The following SHTN1 variants were observed in gnomAD, a reference collection of about 807,000 sequenced individuals.
The protein encoded by SHTN1 is shootin 1.
Under a neutral mutation model 83.1 loss-of-function variants are expected in SHTN1, and 42 were observed. The observed-to-expected ratio is 0.51, with a 90% CI of 0.39 to 0.65. The LOEUF is 0.65. Among genes scored for constraint, SHTN1 ranks in the 30% least tolerant of loss-of-function variants. The probability of loss-of-function intolerance (pLI) is 0.00; values close to 1 mark genes in which losing one functional copy is unlikely to be tolerated. For missense variants in SHTN1, 622 were observed against 737.8 expected, an observed-to-expected ratio of 0.84 and a Z score of 1.82; for synonymous variants, 224 against 247.7, an observed-to-expected ratio of 0.90 and a Z score of 0.90.
intron 2 of SHTN1, chr10:116,974,051 G>A (rs7083142): frequency 1.9e-6 from 2 of 1,065,852 alleles, no homozygotes; most frequent in East Asian, 6.8e-5. Flanking sequence ...TTTCTCTTTT[G>A]GTGTTCTTCT....
chr10:116,901,163 AG>A, intron 16 of SHTN1: 1 of 985,458 alleles, frequency 1.0e-6, no homozygotes, highest in South Asian at 4.7e-5. Context: ...ATTTCAAAAA[AG>A]AGCTGCCATT....
chr10:117,009,436 G>C (rs999004260), upstream of SHTN1, among the ~76,000 whole-genome samples: 14 of 151,910 alleles, frequency 9.2e-5, no homozygotes, highest in African/African-American at 3.1e-4. Flanking sequence ...TAGATCCAAA[G>C]ACAACAATAG....
intron 11 of SHTN1, among the ~76,000 whole-genome samples, 172 bp from the exon 12 acceptor site, chr10:116,921,688 G>A (rs1050588916): frequency 2.0e-5 from 3 of 152,018 alleles, no homozygotes; most frequent in Admixed American, 6.6e-5. Context: ...AGAGAAACAC[G>A]TCTCATCCTC....
At chr10:116,983,069 T>C (rs1851086279) in intron 1 of SHTN1, among the ~76,000 whole-genome samples, 1 of 152,122 alleles carries the variant, frequency 6.6e-6, no homozygotes, top group Admixed American at 6.5e-5. Flanking sequence ...AGGTACAGTA[T>C]ATTTCACTGT....
intron 1 of SHTN1, among the ~76,000 whole-genome samples, chr10:117,004,637 A>T (rs1404150553): frequency 3.3e-5 from 5 of 151,946 alleles, no homozygotes; most frequent in African/African-American, 1.2e-4. Flanking sequence ...GGGTGGGGCC[A>T]AGCTAGCTGA....
chr10:116,972,304 TA>T (rs1346831007), intron 2 of SHTN1, among the ~76,000 whole-genome samples: 15 of 152,156 alleles, frequency 9.9e-5, no homozygotes, highest in Admixed American at 9.8e-4. Context: ...CACATTATGC[TA>T]GAACTGGCAG....
At chr10:117,028,646 A>C (rs1589902211) in intron 2 of SHTN1, among the ~76,000 whole-genome samples, 1 of 151,568 alleles carries the variant, frequency 6.6e-6, no homozygotes, top group Non-Finnish European at 1.5e-5. Flanking sequence ...CCCAGGTACA[A>C]CCTGGGCCAC....
At chr10:116,936,818 A>G (rs1849183958) in intron 9 of SHTN1, among the ~76,000 whole-genome samples, 1 of 152,136 alleles carries the variant, frequency 6.6e-6, no homozygotes, top group African/African-American at 2.4e-5. Flanking sequence ...TATGTCTCTA[A>G]GAACTTGTTT....
At chr10:117,013,167 G>T (rs1257103436) in intron 2 of SHTN1, among the ~76,000 whole-genome samples, 1 of 152,050 alleles carries the variant, frequency 6.6e-6, no homozygotes, top group East Asian at 1.9e-4. Flanking sequence ...TTTACCAAAA[G>T]AAGTTTATTT....
chr10:117,060,191 C>G (rs935023602), intron 1 of SHTN1, among the ~76,000 whole-genome samples: 14 of 151,916 alleles, frequency 9.2e-5, no homozygotes, highest in Admixed American at 4.6e-4. Flanking sequence ...CCACTGCACT[C>G]TAGCCTAAGC....
intron 1 of SHTN1, among the ~76,000 whole-genome samples, chr10:117,103,591 A>G (rs1436817032): frequency 9.8e-5 from 12 of 121,948 alleles, no homozygotes; most frequent in Admixed American, 8.6e-4. Context: ...AGGCTGGAGT[A>G]CAGTGGCACA....
At chr10:117,106,712 C>G (rs1853676186) in intron 1 of SHTN1, among the ~76,000 whole-genome samples, 1 of 152,214 alleles carries the variant, frequency 6.6e-6, no homozygotes, top group East Asian at 1.9e-4. Context: ...TCAAACCTCA[C>G]TTCTACTATT....
At chr10:117,086,550 G>A (rs1329330373) in intron 1 of SHTN1, among the ~76,000 whole-genome samples, 2 of 151,822 alleles carry the variant, frequency 1.3e-5, no homozygotes, top group Non-Finnish European at 2.9e-5. Context: ...GCCTTCTCTG[G>A]TTTTAATTTT....
chr10:117,005,149 A>G lies in SHTN1; in HGVS notation c.-70T>C. 2 of 1,552,130 alleles carry G rather than the reference A, an allele frequency of 1.3e-6. No homozygotes were observed. The highest frequency in any genetic ancestry group is 1.7e-6 in the Non-Finnish European group (2 of 1,147,496). The stretch of plus-strand genomic sequence containing the variant: ...CGGGGCACACAGGAGGAGGGGGAAG[A>G]AAAAGCAAGATGCCGGTGGCTTGCG... On this transcript the variant is annotated 5_prime_UTR_variant, in exon 1 of 17. Transcript: ENST00000355371.
At chr10:116,900,407 A>T in intron 16 of SHTN1, 1 of 782,094 alleles carries the variant, frequency 1.3e-6, no homozygotes, top group Non-Finnish European at 2.1e-6. Context: ...CTGTCAATTC[A>T]ACACATATTT....
chr10:116,911,042 G>A (rs1157210875), intron 14 of SHTN1, among the ~76,000 whole-genome samples: 7 of 152,120 alleles, frequency 4.6e-5, no homozygotes, highest in Non-Finnish European at 8.8e-5. Flanking sequence ...TTGTACCTCC[G>A]CCCCCATGTT....
chr10:117,037,258 T>C (rs1852511757), intron 2 of SHTN1, among the ~76,000 whole-genome samples: 1 of 152,066 alleles, frequency 6.6e-6, no homozygotes, highest in Non-Finnish European at 1.5e-5. Context: ...GGCAACATAG[T>C]GAGACTTCCC....
At chr10:116,959,263 T>C (rs1850093777) in intron 4 of SHTN1, among the ~76,000 whole-genome samples, 1 of 152,216 alleles carries the variant, frequency 6.6e-6, no homozygotes, top group African/African-American at 2.4e-5. Context: ...ATTTATATTC[T>C]TAGTTAGGTC....
chr10:117,000,137 T>C (rs530071812), intron 1 of SHTN1, among the ~76,000 whole-genome samples: 42 of 152,276 alleles, frequency 2.8e-4, no homozygotes, highest in African/African-American at 9.4e-4. Context: ...AAAATACTGA[T>C]GTAAAACCAA....
Sources: allele counts gnomAD v4.1 joint callset (sites outside exome capture counted in the v4.1 genomes callset), GRCh38; gene constraint gnomAD v4.1.1; transcripts MANE v1.5; gene names NCBI Gene and HGNC (gene_info 2026-07-23, HGNC 2026-07-21).